The following CREB3L1 variants were observed in gnomAD, a reference collection of about 807,000 sequenced individuals.
The protein encoded by CREB3L1 is cyclic AMP-responsive element-binding protein 3-like protein 1.
In CREB3L1, 33 loss-of-function variants were observed where a neutral mutation model predicts 54.5. The observed-to-expected ratio is 0.61, with a 90% CI of 0.46 to 0.81. The LOEUF is 0.81. Among genes scored for constraint, CREB3L1 ranks in the 30% least tolerant of loss-of-function variants. The pLI is 0.00. For missense variants in CREB3L1, 656 were observed against 673.3 expected (o/e 0.97, Z 0.29); for synonymous variants, 284 against 286.4 (o/e 0.99, Z 0.08).
chr11:46,306,028 C>T (rs894660417), intron 2 of CREB3L1, among the ~76,000 whole-genome samples: 1 of 151,566 alleles, frequency 6.6e-6, no homozygotes, highest in Non-Finnish European at 1.5e-5. Context: ...TGAGCCACCG[C>T]GCCAGGCCAT....
At chr11:46,303,179 C>T (rs1274042083) in intron 2 of CREB3L1, among the ~76,000 whole-genome samples, 1 of 152,176 alleles carries the variant, frequency 6.6e-6, no homozygotes, top group Non-Finnish European at 1.5e-5. Flanking sequence ...TGTGCATCCC[C>T]GTGTCTCCAC....
intron 10 of CREB3L1, among the ~76,000 whole-genome samples, chr11:46,318,149 C>T (rs936554921): frequency 6.6e-6 from 1 of 151,834 alleles, no homozygotes. Flanking sequence ...AACTGGGAGG[C>T]AGAAGTTGCA....
At chr11:46,302,218 A>ATAG (rs1939314747) in intron 2 of CREB3L1, among the ~76,000 whole-genome samples, 1 of 147,880 alleles carries the variant, frequency 6.8e-6, no homozygotes, top group Non-Finnish European at 1.5e-5. Context: ...AATAATAATA[A>ATAG]GCTGTAGACA....
intron 9 of CREB3L1, among the ~76,000 whole-genome samples, 186 bp downstream of exon 9, chr11:46,316,571 C>T (rs1008269396): frequency 6.6e-6 from 1 of 152,182 alleles, no homozygotes; most frequent in Non-Finnish European, 1.5e-5. Context: ...CCCATGGTGC[C>T]TTCTGCCTCA....
intron 1 of CREB3L1, among the ~76,000 whole-genome samples, chr11:46,298,039 G>A (rs1022162760): frequency 6.6e-6 from 1 of 152,128 alleles, no homozygotes; most frequent in Non-Finnish European, 1.5e-5. Context: ...TTCCCCTTAC[G>A]GATAAGGAAA....
In CREB3L1 at chr11:46,316,321, T is replaced by C. The variant is rs1028300852; in HGVS notation, c.1067T>C (p.Leu356Pro). 5 of 1,574,526 alleles carry C rather than the reference T, an allele frequency of 3.2e-6. No individual in the cohort carries two copies. In the African/African-American group the frequency reaches 6.8e-5, roughly 21 times the overall value. ...LLQQLQKLQT[L>P]VTNKISRPYK... Reference sequence around the variant, plus strand: ...CAGCAGCTGCAGAAACTCCAGACTCTGGTCACCAACAAGATCTCCAGACCT... The same window carrying C: ...CAGCAGCTGCAGAAACTCCAGACTCCGGTCACCAACAAGATCTCCAGACCT... The change falls in exon 9 of 12, where the codon CTG becomes CCG. Residue 356 changes from leucine to proline, a missense_variant. Transcript: ENST00000621158.
At chr11:46,296,324 A>G (rs536561977) in intron 1 of CREB3L1, among the ~76,000 whole-genome samples, 1 of 152,206 alleles carries the variant, frequency 6.6e-6, no homozygotes, top group Admixed American at 6.5e-5. Context: ...AAGGAGTGAG[A>G]GGACCAGAAG....
chr11:46,294,537 G>A lies in CREB3L1; in HGVS notation c.103-5398G>A, dbSNP rs145223550. Among the ~76,000 whole-genome samples, 4 of 152,318 alleles carry A rather than the reference G, an allele frequency of 2.6e-5. No homozygotes were observed. In the East Asian group the frequency reaches 7.7e-4, roughly 29 times the overall value. ...ACTGCCCAGGTCTCAGAGCACACCT[G>A]GGTCTTGAATTAGGGCCTCCTGAGT... On this transcript the variant is annotated intron_variant, in intron 1 of 11. Transcript: ENST00000621158.
rs746610722 is a variant in CREB3L1, at chr11:46,283,017, G to A, written c.102+4804G>A. Among the ~76,000 whole-genome samples the A allele has an allele frequency of 5.5e-4, 83 of 151,410 alleles. 1 individual carries two copies. Among genetic ancestry groups the A allele is most frequent in the Admixed American group, 5.3e-4 (8 of 15,094 alleles). ...AGTCTGGGCAACATAGGGAGACCTC[G>A]TCTCTACAAAAAATAAAAAAAAAAT... On this transcript the variant is annotated intron_variant, in intron 1 of 11. Transcript: ENST00000621158.
intron 1 of CREB3L1, among the ~76,000 whole-genome samples, chr11:46,298,118 C>G (rs1256745693): frequency 1.3e-5 from 2 of 152,198 alleles, no homozygotes; most frequent in East Asian, 3.8e-4. Flanking sequence ...GTCTATGTGA[C>G]TCCAGAGCTC....
At chr11:46,279,513 A>G (rs1938935257) in intron 1 of CREB3L1, among the ~76,000 whole-genome samples, 1 of 152,164 alleles carries the variant, frequency 6.6e-6, no homozygotes, top group African/African-American at 2.4e-5. Context: ...GAGGGCTTGC[A>G]TTGACTGCAG....
intron 10 of CREB3L1, among the ~76,000 whole-genome samples, 195 bp from the exon 11 acceptor site, chr11:46,320,069 C>T (rs1939625011): frequency 6.6e-6 from 1 of 152,082 alleles, no homozygotes; most frequent in Non-Finnish European, 1.5e-5. Flanking sequence ...CCTAGTATCC[C>T]TATTTTACAG....
chr11:46,296,845 G>A (rs1939218017), intron 1 of CREB3L1, among the ~76,000 whole-genome samples: 1 of 152,206 alleles, frequency 6.6e-6, no homozygotes, highest in South Asian at 2.1e-4. Context: ...AGCAGGTGGG[G>A]TGGGGACTGC....
intron 5 of CREB3L1, 50 bp downstream of exon 5, chr11:46,311,239 C>T: frequency 6.8e-7 from 1 of 1,468,140 alleles, no homozygotes; most frequent in Non-Finnish European, 9.0e-7. Flanking sequence ...TTGAATACAT[C>T]CACCTGAGCA....
intron 1 of CREB3L1, among the ~76,000 whole-genome samples, chr11:46,285,989 C>G (rs1022440875): frequency 2.6e-5 from 4 of 152,206 alleles, no homozygotes; most frequent in Admixed American, 2.6e-4. Flanking sequence ...CCTGGAATAC[C>G]CTCACCCTTC....
intron 2 of CREB3L1, among the ~76,000 whole-genome samples, chr11:46,301,212 G>A (rs74782468): frequency 4.0e-5 from 6 of 151,690 alleles, no homozygotes; most frequent in African/African-American, 7.3e-5. Flanking sequence ...GTGGTGGTGC[G>A]CTCCTGTAGT....
rs1938924650 is a variant in CREB3L1 at position 46,278,849 on chromosome 11, T to C, written c.102+636T>C. 6.6e-6 allele frequency among the ~76,000 whole-genome samples: 1 copy of C among 152,230 alleles called. No homozygotes were observed. Among genetic ancestry groups the C allele is most frequent in the Non-Finnish European group, 1.5e-5 (1 of 68,040 alleles). On this transcript the variant is annotated intron_variant, in intron 1 of 11. Transcript: ENST00000621158. This position sits in a 1 kb window ranked among gnomAD's most constrained non-coding sequence, Gnocchi z 4.2. ...TCCATCTGCCTCTAGATCTCTGCTC[T>C]GTCCCTCTGTTCCTGGAGTCTGGCT...
chr11:46,301,979 A>G (rs955492040), intron 2 of CREB3L1, among the ~76,000 whole-genome samples: 2 of 151,648 alleles, frequency 1.3e-5, no homozygotes, highest in Non-Finnish European at 2.9e-5. Flanking sequence ...ATCCTGGCTA[A>G]CAGAGTGAAA....
In CREB3L1 at chr11:46,308,195, G is replaced by A. The variant is rs557106868; in HGVS notation, c.516+195G>A. Among the ~76,000 whole-genome samples, 298 of 149,216 alleles carry A rather than the reference G, an allele frequency of 2.0e-3. 1 individual carries two copies. Among genetic ancestry groups the A allele is most frequent in the Non-Finnish European group, 3.3e-3 (224 of 67,362 alleles). ...GGCTGCCCCCTCACCATACCGCAAC[G>A]GGCACAAGCCACAGCCCCCTTGGAG... On this transcript the variant is annotated intron_variant, in intron 3 of 11. Transcript: ENST00000621158.
Sources: allele counts gnomAD v4.1 joint callset (sites outside exome capture counted in the v4.1 genomes callset), GRCh38; gene constraint gnomAD v4.1.1; non-coding constraint Gnocchi (gnomAD v3.1); transcripts MANE v1.5; gene names NCBI Gene and HGNC (gene_info 2026-07-23, HGNC 2026-07-21).